BCL11A: variants seen among roughly 807,000 people sequenced by gnomAD.
The protein encoded by BCL11A is BCL11 transcription factor A.
Under a neutral mutation model 55.9 loss-of-function variants are expected in BCL11A, and 2 were observed. The observed-to-expected ratio is 0.04, with a 90% CI of 0.01 to 0.11. The LOEUF is 0.11. Among genes scored for constraint, BCL11A ranks in the 10% least tolerant of loss-of-function variants. BCL11A has a pLI of 1.00. For synonymous variants in BCL11A, 465 were observed against 473.4 expected (o/e 0.98, Z 0.23); for missense variants, 817 against 1,137.1 (o/e 0.72, Z 4.05).
intron 2 of BCL11A, among the ~76,000 whole-genome samples, chr2:60,470,349 G>A (rs750389755): frequency 1.3e-5 from 2 of 152,214 alleles, no homozygotes; most frequent in Non-Finnish European, 2.9e-5. Context: ...AATTGAGAGT[G>A]TGGCGTAAAA....
At chr2:60,508,220 C>A (rs907549002) in intron 2 of BCL11A, among the ~76,000 whole-genome samples, 4 of 152,124 alleles carry the variant, frequency 2.6e-5, no homozygotes, top group African/African-American at 4.8e-5. Context: ...CAAACAACAA[C>A]AACAACAACA....
At chr2:60,485,971 C>A (rs1244687413) in intron 2 of BCL11A, among the ~76,000 whole-genome samples, 4 of 152,212 alleles carry the variant, frequency 2.6e-5, no homozygotes, top group African/African-American at 9.6e-5. Context: ...AACTTTCTTT[C>A]TCCAACCTTC....
chr2:60,467,944 G>A (rs1558620678), intron 3 of BCL11A, among the ~76,000 whole-genome samples: 43 of 132,536 alleles, frequency 3.2e-4, no homozygotes, highest in East Asian at 1.0e-3. Context: ...TGGTGGTGGT[G>A]GTGATGGTAC....
At chr2:60,504,758 A>T (rs1250555598) in intron 2 of BCL11A, among the ~76,000 whole-genome samples, 1 of 152,136 alleles carries the variant, frequency 6.6e-6, no homozygotes, top group East Asian at 1.9e-4. Context: ...CAAGTCTTGA[A>T]ATTATATAGA....
intron 2 of BCL11A, among the ~76,000 whole-genome samples, chr2:60,520,494 G>A (rs1029356546): frequency 9.2e-5 from 14 of 152,056 alleles, no homozygotes; most frequent in African/African-American, 2.9e-4. Flanking sequence ...ATCACCCTTC[G>A]GTGGGATAAT....
At chr2:60,510,269 G>A (rs546255183) in intron 2 of BCL11A, among the ~76,000 whole-genome samples, 1 of 152,126 alleles carries the variant, frequency 6.6e-6, no homozygotes, top group African/African-American at 2.4e-5. Context: ...CAAGGAGCCA[G>A]CTGGTCTCCT....
At chr2:60,465,795 T>C (rs1409910921) in intron 3 of BCL11A, among the ~76,000 whole-genome samples, 1 of 152,218 alleles carries the variant, frequency 6.6e-6, no homozygotes, top group Non-Finnish European at 1.5e-5. Flanking sequence ...CGAATGTGAA[T>C]GTGAGTTTTC....
downstream of BCL11A, chr2:60,452,696 G>T: frequency 6.7e-7 from 1 of 1,487,556 alleles, no homozygotes; most frequent in Non-Finnish European, 9.3e-7. Context: ...AGAGGAGGGG[G>T]AAAAAAAAAG....
At chr2:60,552,999 G>A (rs1328066313) in intron 1 of BCL11A, among the ~76,000 whole-genome samples, 1 of 151,852 alleles carries the variant, frequency 6.6e-6, no homozygotes, top group Non-Finnish European at 1.5e-5. Flanking sequence ...AAAATTAAAA[G>A]GTGCGTGCTG....
At chr2:60,464,564 C>T (rs115990233) in intron 3 of BCL11A, among the ~76,000 whole-genome samples, 3 of 152,334 alleles carry the variant, frequency 2.0e-5, no homozygotes, top group Non-Finnish European at 2.9e-5. Flanking sequence ...ACACGTTCAT[C>T]ACTCCAAATG....
intron 2 of BCL11A, among the ~76,000 whole-genome samples, chr2:60,509,023 G>T (rs144116547): frequency 1.1e-3 from 169 of 152,316 alleles, no homozygotes; most frequent in African/African-American, 3.6e-3. Flanking sequence ...GATTGCTAAA[G>T]CCTAGAGGAC....
intron 2 of BCL11A, chr2:60,538,316 C>T (rs1269295857): frequency 2.0e-5 from 3 of 152,230 alleles, no homozygotes; most frequent in African/African-American, 7.2e-5. Flanking sequence ...GTGCACTGCG[C>T]GTTGCCTTAG....
chr2:60,543,839 C>T (rs894914077), intron 2 of BCL11A: 1 of 152,152 alleles, frequency 6.6e-6, no homozygotes, highest in Non-Finnish European at 1.5e-5. Context: ...AGCTTTTCGT[C>T]TCAGTTAAAT....
At chr2:60,509,399 C>G (rs932007143) in intron 2 of BCL11A, among the ~76,000 whole-genome samples, 1 of 152,180 alleles carries the variant, frequency 6.6e-6, no homozygotes, top group South Asian at 2.1e-4. Flanking sequence ...TAACCGTGGA[C>G]CTGAGCACAG....
At chr2:60,518,206 T>C (rs1055879057) in intron 2 of BCL11A, among the ~76,000 whole-genome samples, 1 of 152,156 alleles carries the variant, frequency 6.6e-6, no homozygotes, top group Non-Finnish European at 1.5e-5. Context: ...TTTGGCCCAG[T>C]TTTTTATCTA....
chr2:60,517,712 C>T (rs1455604106), intron 2 of BCL11A, among the ~76,000 whole-genome samples: 2 of 152,278 alleles, frequency 1.3e-5, no homozygotes, highest in Non-Finnish European at 2.9e-5. Context: ...TGGGCCAAGT[C>T]TACCACTGCC....
At chr2:60,541,833 A>G in intron 2 of BCL11A, 2 of 633,024 alleles carry the variant, frequency 3.2e-6, no homozygotes, top group South Asian at 1.9e-5. Flanking sequence ...AGAGAAAAGA[A>G]AAATAAGTAG....
At chr2:60,532,997 C>A (rs945872544) in intron 2 of BCL11A, 74 of 152,270 alleles carry the variant, frequency 4.9e-4, no homozygotes, top group African/African-American at 1.7e-3. Flanking sequence ...CATTATATAA[C>A]AATCTACCCT....
chr2:60,488,837 G>A (rs1208166516), intron 2 of BCL11A, among the ~76,000 whole-genome samples: 4 of 152,174 alleles, frequency 2.6e-5, no homozygotes, highest in African/African-American at 9.7e-5. Flanking sequence ...TCGGCTCACC[G>A]CAATCTCCGC....
Sources: allele counts gnomAD v4.1 joint callset (sites outside exome capture counted in the v4.1 genomes callset), GRCh38; gene constraint gnomAD v4.1.1; transcripts MANE v1.5; gene names NCBI Gene and HGNC (gene_info 2026-07-23, HGNC 2026-07-21).